Variants in ALG9 observed in about 807,000 individuals in gnomAD.
ALG9 encodes the protein ALG9 alpha-1,2-mannosyltransferase.
Under a neutral mutation model 81.8 loss-of-function variants are expected in ALG9, and 55 were observed. The ratio of observed to expected loss-of-function variants is 0.67; its 90% CI spans 0.54 to 0.84. The LOEUF is 0.84. Ranked by LOEUF, ALG9 falls within the 40% of genes least tolerant of loss-of-function variation. The pLI, the probability that ALG9 is intolerant of heterozygous loss-of-function variation, is 0.00. For missense variants in ALG9, 629 were observed against 745.0 expected, an observed-to-expected ratio of 0.84 and a Z score of 1.81; for synonymous variants, 278 against 274.3, an observed-to-expected ratio of 1.01 and a Z score of -0.13.
chr11:111,857,646 T>C lies in ALG9; in HGVS notation c.657A>G (p.Val219=). 2 of 1,614,190 alleles carry C rather than the reference T, an allele frequency of 1.2e-6. No homozygotes were observed. The highest frequency in any genetic ancestry group is 1.7e-6 in the Non-Finnish European group (2 of 1,180,038). The change falls in exon 6 of 15, where the codon GTA becomes GTG. Residue 219 remains valine (V), a synonymous_variant. Coordinates refer to ENST00000616540, the MANE Select transcript of ALG9 (RefSeq NM_024740.2). ...MDKTSIAVLG[V]AAGAILGWPF... ...GCCAGCCTAAGATAGCCCCAGCTGC[T>C]ACTCCCAGCACAGCAATGGAAGTCT...
At chr11:111,773,996 G>A in the ALG9 span, among the ~76,000 whole-genome samples, 7 of 139,706 alleles carry the variant, frequency 5.0e-5, no homozygotes, top group Non-Finnish European at 9.1e-5. Flanking sequence ...GGCTTGTCAA[G>A]CAATCAGCCC....
Position 111,822,336 on chromosome 11 carries a change from G to A in ALG9, c.1603-12563C>T, listed in dbSNP as rs141677719. ...AGGCAGGAGGATCGCTTAAGCCTGG[G>A]AGGTCAAGGTTGCAGTGAGCTGTGT... On this transcript the variant is annotated intron_variant, in intron 13 of 14. Transcript: ENST00000616540. 2.0e-5 allele frequency among the ~76,000 whole-genome samples: 3 copies of A among 147,104 alleles called. No individual in the cohort carries two copies. In the East Asian group the frequency reaches 6.3e-4, roughly 31 times the overall value.
At chr11:111,831,619 A>G (rs1592140297) in intron 13 of ALG9, among the ~76,000 whole-genome samples, 1 of 152,242 alleles carries the variant, frequency 6.6e-6, no homozygotes, top group African/African-American at 2.4e-5. Context: ...TGGTATGAAA[A>G]TAATATTGAA....
intron 10 of ALG9, among the ~76,000 whole-genome samples, chr11:111,839,338 C>A (rs1482818176): frequency 2.0e-5 from 3 of 152,076 alleles, no homozygotes; most frequent in Non-Finnish European, 2.9e-5. Context: ...GTAATCCCAG[C>A]ACTTTGGGAG....
At chr11:111,795,750 C>T (rs572141151) in intron 14 of ALG9, among the ~76,000 whole-genome samples, 2 of 152,310 alleles carry the variant, frequency 1.3e-5, no homozygotes, top group African/African-American at 4.8e-5. Context: ...GTGGCCTTGG[C>T]CAACATCTGG....
At chr11:111,853,527 C>T (rs782219753) in intron 7 of ALG9, 42 bp from the exon 8 acceptor site, 4 of 1,585,102 alleles carry the variant, frequency 2.5e-6, no homozygotes, top group African/African-American at 1.3e-5. Context: ...GAAACATTCT[C>T]AAAATGCTAA....
chr11:111,824,191 AT>A (rs1952868571), intron 13 of ALG9, among the ~76,000 whole-genome samples: 1 of 152,222 alleles, frequency 6.6e-6, no homozygotes, highest in Non-Finnish European at 1.5e-5. Flanking sequence ...TGTATATAAA[AT>A]ATTTTAAGAA....
At chr11:111,776,574 C>A in the ALG9 span, among the ~76,000 whole-genome samples, 3 of 152,056 alleles carry the variant, frequency 2.0e-5, no homozygotes, top group Non-Finnish European at 4.4e-5. Context: ...GGCAACAGAG[C>A]GAGACTCTAT....
intron 13 of ALG9, among the ~76,000 whole-genome samples, chr11:111,830,482 T>C (rs1592133706): frequency 6.6e-6 from 1 of 152,330 alleles, no homozygotes; most frequent in African/African-American, 2.4e-5. Context: ...TCATTATAGA[T>C]CATGGAAACA....
At chr11:111,863,235 G>A (rs1046664942) in intron 4 of ALG9, among the ~76,000 whole-genome samples, 14 of 152,164 alleles carry the variant, frequency 9.2e-5, no homozygotes, top group African/African-American at 2.7e-4. Flanking sequence ...GTTTGCACCT[G>A]TAATCCCAGC....
At chr11:111,799,818 C>A (rs1172652711) in intron 14 of ALG9, among the ~76,000 whole-genome samples, 3 of 152,132 alleles carry the variant, frequency 2.0e-5, no homozygotes, top group Non-Finnish European at 4.4e-5. Context: ...TTCAAACCAG[C>A]CAAAGAGGTA....
intron 6 of ALG9, 102 bp downstream of exon 6, chr11:111,857,500 T>C (rs942621088): frequency 4.0e-6 from 6 of 1,499,064 alleles, no homozygotes; most frequent in African/African-American, 2.8e-5. Context: ...GAAAGCCCAA[T>C]TGATTAACTT....
Position 111,830,033 on chromosome 11 carries a change from T to C in ALG9, c.1602+6132A>G, listed in dbSNP as rs145346510. ...GGATTTCAGGTGTAGTTTCAGCAAA[T>C]TGGAAAGGGAAGCAAAGAAATGTCA... On this transcript the variant is annotated intron_variant, in intron 13 of 14. Transcript: ENST00000616540. Among the ~76,000 whole-genome samples the C allele has an allele frequency of 3.1e-3, 472 of 152,274 alleles. 1 individual carries two copies. The highest frequency in any genetic ancestry group is 0.011 in the African/African-American group (457 of 41,556).
At chr11:111,826,469 C>T (rs868965911) in intron 13 of ALG9, among the ~76,000 whole-genome samples, 22 of 151,812 alleles carry the variant, frequency 1.4e-4, no homozygotes, top group Middle Eastern at 3.4e-3. Flanking sequence ...TTCCCCAGTC[C>T]AACTTCCCAG....
downstream of ALG9, among the ~76,000 whole-genome samples, chr11:111,777,655 A>G (rs1945736623): frequency 6.6e-6 from 1 of 152,208 alleles, no homozygotes; most frequent in South Asian, 2.1e-4. Context: ...ACAAATATAA[A>G]AAAAAAATGC....
At chr11:111,782,065 G>A (rs1172733998), downstream of ALG9, 1 of 152,220 alleles carries the variant, frequency 6.6e-6, no homozygotes, top group East Asian at 1.9e-4. Context: ...TATTTGGCCT[G>A]TAGAAGGCAG....
At chr11:111,852,661 C>G (rs1186495434) in intron 8 of ALG9, among the ~76,000 whole-genome samples, 1 of 152,142 alleles carries the variant, frequency 6.6e-6, no homozygotes, top group Admixed American at 6.6e-5. Context: ...CTGGGCCGGG[C>G]ACGGTGGCTC....
chr11:111,808,272 C>T (rs142063578), intron 14 of ALG9, among the ~76,000 whole-genome samples: 4 of 152,260 alleles, frequency 2.6e-5, no homozygotes, highest in East Asian at 3.9e-4. Flanking sequence ...TCTCCCCAAC[C>T]GTCCCTTCCT....
At chr11:111,802,134 C>T (rs1949217168) in intron 14 of ALG9, among the ~76,000 whole-genome samples, 1 of 152,222 alleles carries the variant, frequency 6.6e-6, no homozygotes, top group Admixed American at 6.5e-5. Flanking sequence ...TCCTTACCAA[C>T]TTAAGGTCAC....
Sources: gnomAD v4.1 joint callset for allele counts (sites outside exome capture counted in the v4.1 genomes callset) on GRCh38, gnomAD v4.1.1 for gene constraint, MANE v1.5 for transcripts, NCBI Gene and HGNC (gene_info 2026-07-23, HGNC 2026-07-21) for gene names.